RTN1: variants seen among roughly 807,000 people sequenced by gnomAD.
RTN1 encodes the protein reticulon-1.
Under a neutral mutation model 65.5 loss-of-function variants are expected in RTN1, and 25 were observed. The ratio of observed to expected loss-of-function variants is 0.38; its 90% CI spans 0.28 to 0.53. RTN1 has a LOEUF of 0.53. Among genes scored for constraint, RTN1 ranks in the 20% least tolerant of loss-of-function variants. The pLI is 0.79. For missense variants in RTN1, 983 were observed against 1,025.4 expected (o/e 0.96, Z 0.57); for synonymous variants, 471 against 447.6 (o/e 1.05, Z -0.66).
intron 1 of RTN1, among the ~76,000 whole-genome samples, chr14:59,787,275 G>A (rs956064562): frequency 2.6e-5 from 4 of 152,132 alleles, no homozygotes; most frequent in Admixed American, 2.6e-4. Context: ...TGCTGCGGTG[G>A]GGGCTCACTA....
rs1887873168 is a variant in RTN1, at chr14:59,870,296, G to T, written c.241+94C>A. The T allele has an allele frequency of 1.6e-6, 2 of 1,260,140 alleles. No individual in the cohort carries two copies. Among genetic ancestry groups the T allele is most frequent in the South Asian group, 2.4e-5 (1 of 42,086 alleles). The allele number at this position is 1,260,140 out of a possible 1,614,324, so 78.1% of individuals were successfully genotyped here. A position where few individuals can be genotyped will look rare whatever the true frequency, so the allele number is the denominator to read the frequency against. Reference sequence around the variant, plus strand: ...GGGGTCGGCGCTCAAGGCAGAAAGCGCGAGGCAGGTGCCCAGGAGAGCCGC... The same window carrying T: ...GGGGTCGGCGCTCAAGGCAGAAAGCTCGAGGCAGGTGCCCAGGAGAGCCGC... On this transcript the variant is annotated intron_variant, in intron 1 of 8. Transcript: ENST00000267484. This position sits in a 1 kb window ranked among gnomAD's most constrained non-coding sequence, Gnocchi z 5.1.
intron 3 of RTN1, among the ~76,000 whole-genome samples, chr14:59,707,031 C>A (rs1884309474): frequency 1.3e-5 from 2 of 152,198 alleles, no homozygotes; most frequent in South Asian, 4.1e-4. Flanking sequence ...CAGACACATA[C>A]AGGTGTTCTA....
chr14:59,667,235 G>A (rs1281177744), intron 3 of RTN1, among the ~76,000 whole-genome samples: 1 of 152,098 alleles, frequency 6.6e-6, no homozygotes, highest in African/African-American at 2.4e-5. Context: ...ACCAAATCCA[G>A]CAGCATATCA....
At chr14:59,723,847 G>A (rs1367857688) in intron 3 of RTN1, among the ~76,000 whole-genome samples, 3 of 152,112 alleles carry the variant, frequency 2.0e-5, no homozygotes, top group African/African-American at 7.2e-5. Context: ...CAGGAAACAA[G>A]CTCAAGGGCA....
chr14:59,808,620 T>C (rs994419841), intron 1 of RTN1, among the ~76,000 whole-genome samples: 3 of 152,160 alleles, frequency 2.0e-5, no homozygotes, highest in African/African-American at 7.2e-5. Flanking sequence ...GAACTGTATA[T>C]GGATCTGTGT....
At chr14:59,673,636 G>A (rs1883558993) in intron 3 of RTN1, among the ~76,000 whole-genome samples, 1 of 152,148 alleles carries the variant, frequency 6.6e-6, no homozygotes, top group African/African-American at 2.4e-5. Context: ...ATTGGTCCAT[G>A]GGTGGTCTTT....
chr14:59,799,820 G>T (rs1417860873), intron 1 of RTN1, among the ~76,000 whole-genome samples: 1 of 152,102 alleles, frequency 6.6e-6, no homozygotes, highest in South Asian at 2.1e-4. Flanking sequence ...GGGTTGGCTG[G>T]GGGAGAGGAT....
In RTN1 at chr14:59,596,024, A is replaced by G. The variant is rs1020872239; in HGVS notation, c.*721T>C. ...TATTTATGCATTCAGTATCAAGTAC[A>G]TAAGTGCAAATATCCAGAGTCCGTA... On this transcript the variant is annotated 3_prime_UTR_variant, in exon 9 of 9. Transcript: ENST00000267484. 3 of 152,668 alleles carry G rather than the reference A, an allele frequency of 2.0e-5. No individual in the cohort carries two copies. The highest frequency in any genetic ancestry group is 2.9e-5 in the Non-Finnish European group (2 of 68,044). 9.5% of individuals were successfully genotyped at this position (152,668 alleles called of 1,614,324 possible). A position where few individuals can be genotyped will look rare whatever the true frequency, so the allele number is the denominator to read the frequency against.
At chr14:59,602,240 C>A (rs1326397919) in intron 8 of RTN1, among the ~76,000 whole-genome samples, 2 of 152,064 alleles carry the variant, frequency 1.3e-5, no homozygotes, top group African/African-American at 2.4e-5. Flanking sequence ...TAGGTCCAGC[C>A]ACATTATTAT....
intron 3 of RTN1, among the ~76,000 whole-genome samples, chr14:59,635,102 C>T (rs1258902226): frequency 1.3e-5 from 2 of 152,118 alleles, no homozygotes; most frequent in Non-Finnish European, 2.9e-5. Flanking sequence ...AATCAATACC[C>T]CGACCCACAT....
chr14:59,761,426 C>A (rs771319863), intron 1 of RTN1, among the ~76,000 whole-genome samples: 2 of 152,174 alleles, frequency 1.3e-5, no homozygotes, highest in Non-Finnish European at 2.9e-5. Flanking sequence ...TTGCCTGCTA[C>A]CATGTAAGAT....
chr14:59,746,295 A>G lies in RTN1; in HGVS notation c.428T>C (p.Leu143Pro), dbSNP rs113170343. 12 of 1,613,840 alleles carry G rather than the reference A, an allele frequency of 7.4e-6. No individual in the cohort carries two copies. The African/African-American group carries it at 1.2e-4, about 16-fold the overall frequency. The change falls in exon 2 of 9, where the codon CTG (leucine) becomes CCG (proline). Residue 143 changes from leucine (L) to proline (P), a missense_variant. By Grantham distance (98) the Leu-to-Pro change is moderately conservative. This residue lies in a region of RTN1 where 818 missense variants were observed against 801.8 expected (regional missense o/e 1.02). Coordinates refer to ENST00000267484, the MANE Select transcript of RTN1 (RefSeq NM_021136.3). ...TGGTAAGGAGGGGCCGGGTGTACCC[A>G]GCTCCTCAGGGCTCTCTGAAATGGT... ...HVTISESPEE[L>P]GTPGPSLPDV...
At chr14:59,667,608 A>C (rs1457815029) in intron 3 of RTN1, among the ~76,000 whole-genome samples, 1 of 152,220 alleles carries the variant, frequency 6.6e-6, no homozygotes, top group Non-Finnish European at 1.5e-5. Context: ...AATTCTGGCC[A>C]GGGCAATCAG....
intron 1 of RTN1, among the ~76,000 whole-genome samples, chr14:59,832,647 T>C (rs1887145383): frequency 6.6e-6 from 1 of 152,228 alleles, no homozygotes; most frequent in Admixed American, 6.5e-5. Context: ...ACACTGGGCA[T>C]AATAGCACAG....
chr14:59,605,588 T>G (rs1881716950), intron 4 of RTN1, 82 bp from the exon 5 acceptor site: 1 of 1,457,120 alleles, frequency 6.9e-7, no homozygotes, highest in Non-Finnish European at 9.5e-7. Context: ...CAGCTAAGCG[T>G]TCCTACTCTC....
intron 1 of RTN1, among the ~76,000 whole-genome samples, chr14:59,787,940 T>C (rs769942519): frequency 9.9e-5 from 15 of 152,224 alleles, no homozygotes; most frequent in Non-Finnish European, 2.1e-4. Context: ...CCTATACCTG[T>C]ATTTAAACTC....
At chr14:59,800,080 C>G (rs1886512256) in intron 1 of RTN1, among the ~76,000 whole-genome samples, 1 of 152,124 alleles carries the variant, frequency 6.6e-6, no homozygotes, top group Admixed American at 6.6e-5. Flanking sequence ...ATATACAGAG[C>G]CTGCTGGAAG....
chr14:59,607,650 T>C (rs1250051818), intron 3 of RTN1, 158 bp from the exon 4 acceptor site: 2 of 644,424 alleles, frequency 3.1e-6, no homozygotes, highest in Non-Finnish European at 5.6e-6. Context: ...CAAGGGCACT[T>C]ACTGTCATTC....
intron 3 of RTN1, among the ~76,000 whole-genome samples, chr14:59,682,018 A>T (rs1883754866): frequency 6.6e-6 from 1 of 152,094 alleles, no homozygotes; most frequent in South Asian, 2.1e-4. Flanking sequence ...TCTAAACATA[A>T]ATCTGATCAT....
Sources: allele counts gnomAD v4.1 joint callset (sites outside exome capture counted in the v4.1 genomes callset), GRCh38; gene constraint gnomAD v4.1.1; regional missense constraint gnomAD v4.1.1; non-coding constraint Gnocchi (gnomAD v3.1); transcripts MANE v1.5; gene names NCBI Gene and HGNC (gene_info 2026-07-23, HGNC 2026-07-21).